NAT9: variants seen among roughly 807,000 people sequenced by gnomAD.
NAT9 encodes the protein N-acetyltransferase 9.
In NAT9, 18 loss-of-function variants were observed where a neutral mutation model predicts 24.0. The observed-to-expected ratio is 0.75, with a 90% CI of 0.52 to 1.11. The LOEUF (loss-of-function observed/expected upper bound fraction) is 1.11. Among genes scored for constraint, NAT9 ranks in the 50% most tolerant of loss-of-function variants. The pLI is 0.00. For synonymous variants in NAT9, 104 were observed against 102.3 expected (o/e 1.02, Z -0.10); for missense variants, 254 against 258.6 (o/e 0.98, Z 0.12).
chr17:74,774,811 A>G (rs1383178943), intron 2 of NAT9, among the ~76,000 whole-genome samples: 2 of 151,984 alleles, frequency 1.3e-5, no homozygotes, highest in Non-Finnish European at 2.9e-5. Context: ...CGGTCTCCCA[A>G]AGTGCTGGGA....
Position 74,772,219 on chromosome 17 carries a change from GT to G in NAT9, c.392del (p.Tyr131SerfsTer3). Reference sequence around the variant, plus strand: ...CATTGTCTGCTCACACTTTCTTACCGTAAGACAGCATCGCGAGAACGGCCTC... The same window carrying G: ...CATTGTCTGCTCACACTTTCTTACCGAAGACAGCATCGCGAGAACGGCCTC... ...GTEAVLAMLS[Y>X]GVTTLGLTKF... On this transcript the variant is annotated frameshift_variant and splice_region_variant, in exon 5 of 7. Coordinates refer to ENST00000357814, the MANE Select transcript of NAT9 (RefSeq NM_015654.5). LOFTEE classifies it high-confidence loss of function. 2 of 1,614,204 alleles carry G rather than the reference GT, an allele frequency of 1.2e-6. No homozygotes were observed. Among genetic ancestry groups the G allele is most frequent in the Non-Finnish European group, 1.7e-6 (2 of 1,180,046 alleles).
In NAT9 at chr17:74,771,295, A is replaced by G; in HGVS notation, c.*429T>C. On this transcript the variant is annotated 3_prime_UTR_variant, in exon 7 of 7. Transcript: ENST00000357814. ...GCTGGGGCTCGTGGTAGCTCTTCAC[A>G]TGGACCAAACGGGAAAATCAGGAAA... The G allele has an allele frequency of 4.6e-6, 1 of 216,314 alleles. No individual in the cohort carries two copies. The highest frequency in any genetic ancestry group is 1.0e-4 in the East Asian group (1 of 9,770). 13.4% of individuals were successfully genotyped at this position (216,314 alleles called of 1,614,324 possible). A position where few individuals can be genotyped will look rare whatever the true frequency, so the allele number is the denominator to read the frequency against.
intron 6 of NAT9, 26 bp downstream of exon 6, chr17:74,771,934 C>G: frequency 6.2e-7 from 1 of 1,614,200 alleles, no homozygotes; most frequent in South Asian, 1.1e-5. Flanking sequence ...AGGTCTAAGC[C>G]CCACTCTGCC....
chr17:74,771,455 T>C lies in NAT9; in HGVS notation c.*269A>G, dbSNP rs1043756260. 2.2e-5 allele frequency: 12 copies of C among 538,778 alleles called. No homozygotes were observed. The highest frequency in any genetic ancestry group is 3.3e-5 in the Non-Finnish European group (10 of 301,750). The allele number at this position is 538,778 out of a possible 1,614,324, so 33.4% of individuals were successfully genotyped here. On this transcript the variant is annotated 3_prime_UTR_variant, in exon 7 of 7. Coordinates refer to ENST00000357814, the MANE Select transcript of NAT9 (RefSeq NM_015654.5). ...CCCACCTTCATCCCGACATCTCCCATGGATCCCTGCCCTCCATTCCAGCTT... is the reference window on the plus strand; with the variant it reads ...CCCACCTTCATCCCGACATCTCCCACGGATCCCTGCCCTCCATTCCAGCTT...
chr17:74,775,237 G>A (rs1031855417), intron 2 of NAT9: 1 of 166,678 alleles, frequency 6.0e-6, no homozygotes, highest in African/African-American at 2.4e-5. Context: ...ACCCAGGCTG[G>A]AGTACAGTGG....
intron 3 of NAT9, 46 bp downstream of exon 3, chr17:74,773,530 G>T: frequency 1.3e-6 from 2 of 1,515,752 alleles, no homozygotes; most frequent in Non-Finnish European, 1.8e-6. Context: ...TGTGGAGTCA[G>T]CCCTCCCAGT....
At chr17:74,773,533 C>G (rs1361329371) in intron 3 of NAT9, 43 bp downstream of exon 3, 1 of 1,539,978 alleles carries the variant, frequency 6.5e-7, no homozygotes, top group Non-Finnish European at 9.0e-7. Context: ...GGAGTCAGCC[C>G]TCCCAGTACC....
chr17:74,771,902 ACCACCACCAGGC>A, intron 6 of NAT9, 44 bp from the exon 7 acceptor site: 2 of 1,614,188 alleles, frequency 1.2e-6, no homozygotes, highest in African/African-American at 1.3e-5. Context: ...TTACAGTATT[ACCACCACCAGGC>A]CCACCACCCA....
intron 4 of NAT9, 66 bp from the exon 5 acceptor site, chr17:74,772,343 C>CA: frequency 6.3e-7 from 1 of 1,585,818 alleles, no homozygotes; most frequent in Non-Finnish European, 8.6e-7. Context: ...ACTTGGCAGA[C>CA]ACCATCTCAT....
intron 3 of NAT9, 87 bp downstream of exon 3, chr17:74,773,489 G>A (rs898710793): frequency 3.4e-6 from 4 of 1,183,342 alleles, no homozygotes; most frequent in Non-Finnish European, 3.8e-6. Context: ...TATGGCCGGG[G>A]CTGGGAAAGG....
At chr17:74,772,388 T>C (rs2035347666) in intron 4 of NAT9, 111 bp from the exon 5 acceptor site, 2 of 1,480,772 alleles carry the variant, frequency 1.4e-6, no homozygotes, top group Non-Finnish European at 1.8e-6. Context: ...GCTACTATCA[T>C]TACCATTCTG....
chr17:74,773,163 G>T, intron 3 of NAT9, 124 bp from the exon 4 acceptor site: 2 of 1,230,212 alleles, frequency 1.6e-6, no homozygotes, highest in Non-Finnish European at 2.2e-6. Context: ...GAGAAGAGGG[G>T]GTCCCAGAGC....
chr17:74,775,719 TG>T lies in NAT9; in HGVS notation c.-9-13del. On this transcript the variant is annotated splice_polypyrimidine_tract_variant and intron_variant, in intron 1 of 6. Transcript: ENST00000357814. ...CTCATGGTAGCAGCCTGCATGCAGA[TG>T]GGGAGAGCAAAGACTTCAGGACCCT... The T allele has an allele frequency of 7.4e-6, 12 of 1,612,706 alleles. No individual in the cohort carries two copies. Among genetic ancestry groups the T allele is most frequent in the Non-Finnish European group, 8.5e-6 (10 of 1,178,896 alleles).
intron 6 of NAT9, 39 bp downstream of exon 6, chr17:74,771,921 C>A (rs748723993): frequency 4.3e-6 from 7 of 1,614,182 alleles, no homozygotes; most frequent in Non-Finnish European, 8.5e-7. Context: ...AGGCCCACCA[C>A]CCAGGTCTAA....
At chr17:74,775,352 T>C in intron 2 of NAT9, 1 of 326,656 alleles carries the variant, frequency 3.1e-6, no homozygotes, top group Non-Finnish European at 5.7e-6. Flanking sequence ...CATGCCTGGC[T>C]AATTTTTGTA....
At chr17:74,773,360 T>G in intron 3 of NAT9, 1 of 596,036 alleles carries the variant, frequency 1.7e-6, no homozygotes, top group Non-Finnish European at 3.0e-6. Flanking sequence ...TTTCTCCAAA[T>G]CCTTCCAAGC....
intron 3 of NAT9, 22 bp downstream of exon 3, chr17:74,773,554 G>C (rs1178553803): frequency 1.3e-6 from 2 of 1,595,070 alleles, no homozygotes; most frequent in South Asian, 2.2e-5. Context: ...AGGGCTAGGG[G>C]AAGTGGGGGG....
At chr17:74,775,350 G>A in intron 2 of NAT9, 1 of 321,494 alleles carries the variant, frequency 3.1e-6, no homozygotes, top group Non-Finnish European at 5.8e-6. Flanking sequence ...ACCATGCCTG[G>A]CTAATTTTTG....
chr17:74,772,887 G>A lies in NAT9; in HGVS notation c.334+9C>T, dbSNP rs750405628. 1 of 1,614,124 alleles carries A rather than the reference G, an allele frequency of 6.2e-7. No homozygotes were observed. Among genetic ancestry groups the A allele is most frequent in the Non-Finnish European group, 8.5e-7 (1 of 1,180,006 alleles). ...GAGTCAGCGGAAGGCAGGGCTAGGT[G>A]AAACAAACCTGCAATCATGACCTCG... On this transcript the variant is annotated intron_variant, in intron 4 of 6. Coordinates refer to ENST00000357814, the MANE Select transcript of NAT9 (RefSeq NM_015654.5).
Sources: gnomAD v4.1 joint callset for allele counts (sites outside exome capture counted in the v4.1 genomes callset) on GRCh38, gnomAD v4.1.1 for gene constraint, MANE v1.5 for transcripts, NCBI Gene and HGNC (gene_info 2026-07-23, HGNC 2026-07-21) for gene names.